TCF7L1: variants seen among roughly 807,000 people sequenced by gnomAD.
TCF7L1 encodes transcription factor 7 like 1.
In TCF7L1, 18 loss-of-function variants were observed where a neutral mutation model predicts 63.7. The observed-to-expected ratio is 0.28, with a 90% CI of 0.20 to 0.42. The LOEUF (loss-of-function observed/expected upper bound fraction) is 0.42. TCF7L1 is among the 10% of genes least tolerant of loss of function. The pLI is 1.00. For synonymous variants in TCF7L1, 355 were observed against 340.9 expected (o/e 1.04, Z -0.46); for missense variants, 654 against 779.3 (o/e 0.84, Z 1.91).
In TCF7L1 at chr2:85,298,903, G is replaced by A. The variant is rs186339794; in HGVS notation, c.526-3581G>A. Among the ~76,000 whole-genome samples, 355 of 152,116 alleles carry A rather than the reference G, an allele frequency of 2.3e-3. 3 individuals are homozygous for A. The highest frequency in any genetic ancestry group is 2.8e-3 in the Admixed American group (43 of 15,284). On this transcript the variant is annotated intron_variant, in intron 4 of 11. Transcript: ENST00000282111. ...GCAAGGAGAACCTTCCTTCTAGGAG[G>A]CCACTATCTACTTACCGCCTTCCCT...
At chr2:85,232,229 CTG>C (rs1553401662) in intron 3 of TCF7L1, among the ~76,000 whole-genome samples, 1 of 152,198 alleles carries the variant, frequency 6.6e-6, no homozygotes, top group Non-Finnish European at 1.5e-5. Context: ...GTTTTCTGCT[CTG>C]TGTGTGTTTG....
At chr2:85,227,140 C>T (rs979934843) in intron 3 of TCF7L1, among the ~76,000 whole-genome samples, 5 of 152,204 alleles carry the variant, frequency 3.3e-5, no homozygotes, top group African/African-American at 1.2e-4. Flanking sequence ...TGCTGTTTTG[C>T]TGTTTTTCCG....
At position 85,134,247 on chromosome 2, in the gene TCF7L1, C is replaced by T; in HGVS notation, c.314-76C>T. ...GTGGGGGGCGCTGGGGTCCCCAGCTCCCGCCTCGAGCCCCCTGCCGCGGCG... is the reference window on the plus strand; with the variant it reads ...GTGGGGGGCGCTGGGGTCCCCAGCTTCCGCCTCGAGCCCCCTGCCGCGGCG... On this transcript the variant is annotated intron_variant, in intron 2 of 11. Transcript: ENST00000282111. This position sits in a 1 kb window ranked among gnomAD's most constrained non-coding sequence, Gnocchi z 5.0. 2.0e-6 allele frequency: 3 copies of T among 1,484,290 alleles called. No individual in the cohort carries two copies. Among genetic ancestry groups the T allele is most frequent in the Non-Finnish European group, 2.7e-6 (3 of 1,116,672 alleles). The allele number at this position is 1,484,290 out of a possible 1,614,324, so 91.9% of individuals were successfully genotyped here. A position where few individuals can be genotyped will look rare whatever the true frequency, so the allele number is the denominator to read the frequency against.
chr2:85,267,665 AAAG>A (rs1681010837), intron 3 of TCF7L1, among the ~76,000 whole-genome samples: 1 of 151,788 alleles, frequency 6.6e-6, no homozygotes, highest in South Asian at 2.1e-4. Context: ...AAAAAAAAAA[AAAG>A]AGTTGGCTTT....
chr2:85,309,423 G>C lies in TCF7L1; in HGVS notation c.1728G>C (p.Gln576His). ...LHAHQALPVL[Q>H]AQPLSLVTKS... ...CCCACCAGGCCCTCCCGGTGCTACA[G>C]GCCCAGCCTCTTTCCCTGGTCACCA... is the stretch of plus-strand genomic sequence containing the variant. Residue 576 changes from glutamine (Q) to histidine (H), a missense_variant, in exon 12 of 12, where the codon CAG (glutamine) becomes CAC (histidine). By Grantham distance (24) the Gln-to-His change is conservative. Coordinates refer to ENST00000282111, the MANE Select transcript of TCF7L1 (RefSeq NM_031283.3). The C allele has an allele frequency of 1.9e-6, 3 of 1,558,894 alleles. No homozygotes were observed. Among genetic ancestry groups the C allele is most frequent in the Non-Finnish European group, 2.6e-6 (3 of 1,153,302 alleles).
chr2:85,275,141 A>C (rs12714137), intron 3 of TCF7L1, among the ~76,000 whole-genome samples: 133,784 of 152,248 alleles, frequency 0.88, 58,832 homozygotes, highest in East Asian at 0.95. Flanking sequence ...CAAACAGCTG[A>C]ATTTGATTTT....
At chr2:85,198,426 C>T (rs973591825) in intron 3 of TCF7L1, among the ~76,000 whole-genome samples, 11 of 152,282 alleles carry the variant, frequency 7.2e-5, no homozygotes, top group East Asian at 1.9e-4. Flanking sequence ...GTCCGTGGCT[C>T]CCTCACTTCT....
intron 3 of TCF7L1, among the ~76,000 whole-genome samples, chr2:85,269,037 A>G (rs1032796136): frequency 1.3e-5 from 2 of 152,194 alleles, no homozygotes; most frequent in East Asian, 1.9e-4. Flanking sequence ...CCCTGCAGGT[A>G]CATGAGAAGA....
At chr2:85,293,005 A>T (rs1156951703) in intron 4 of TCF7L1, among the ~76,000 whole-genome samples, 2 of 152,020 alleles carry the variant, frequency 1.3e-5, no homozygotes, top group Admixed American at 1.3e-4. Flanking sequence ...GTTAAGGGGG[A>T]GGTTCAGGTC....
chr2:85,215,350 G>A (rs551938269), intron 3 of TCF7L1, among the ~76,000 whole-genome samples: 2 of 152,326 alleles, frequency 1.3e-5, no homozygotes, highest in African/African-American at 4.8e-5. Flanking sequence ...ATTGTGCAGC[G>A]TTCGAGGGAA....
At chr2:85,139,579 G>T (rs1677674637) in intron 3 of TCF7L1, among the ~76,000 whole-genome samples, 1 of 152,196 alleles carries the variant, frequency 6.6e-6, no homozygotes, top group Non-Finnish European at 1.5e-5. Context: ...GAAGAAGTAG[G>T]TTTAAACTGG....
intron 3 of TCF7L1, among the ~76,000 whole-genome samples, chr2:85,173,397 G>A (rs1678599622): frequency 6.6e-6 from 1 of 152,106 alleles, no homozygotes; most frequent in Non-Finnish European, 1.5e-5. Flanking sequence ...AGACAGGCAG[G>A]AGGCAGAAAA....
At chr2:85,289,993 T>C (rs1681666682) in intron 4 of TCF7L1, among the ~76,000 whole-genome samples, 1 of 132,496 alleles carries the variant, frequency 7.5e-6, no homozygotes, top group Non-Finnish European at 1.6e-5. Context: ...TTTTTTTTTC[T>C]CCGAGACAGA....
In TCF7L1 at chr2:85,308,543, CTCCTTCCCTCCCTCCCTATT is replaced by C. The variant is rs1229898956; in HGVS notation, c.1334-480_1334-461del. Among the ~76,000 whole-genome samples, 118 of 131,944 alleles carry C rather than the reference CTCCTTCCCTCCCTCCCTATT, an allele frequency of 8.9e-4. 2 individuals are homozygous for C. Among genetic ancestry groups the C allele is most frequent in the Non-Finnish European group, 1.7e-3 (106 of 63,476 alleles). 86.6% of individuals were successfully genotyped at this position (131,944 alleles called of 152,430 possible). ...CGCTTTCTCCTTCCGCCCTCCCTTTCTCCTTCCCTCCCTCCCTATTTCCTTGCCTCCCCTCCTCCCTTCCT... is the reference window on the plus strand; with the variant it reads ...CGCTTTCTCCTTCCGCCCTCCCTTTCTCCTTGCCTCCCCTCCTCCCTTCCT... On this transcript the variant is annotated intron_variant, in intron 11 of 11. Coordinates refer to ENST00000282111, the MANE Select transcript of TCF7L1 (RefSeq NM_031283.3).
At chr2:85,198,386 G>C (rs940769593) in intron 3 of TCF7L1, among the ~76,000 whole-genome samples, 3 of 152,202 alleles carry the variant, frequency 2.0e-5, no homozygotes, top group Admixed American at 6.5e-5. Context: ...AGTAGGGAAG[G>C]GGGTGCAGAG....
chr2:85,157,650 A>G (rs1387347886), intron 3 of TCF7L1, among the ~76,000 whole-genome samples: 4 of 152,240 alleles, frequency 2.6e-5, no homozygotes, highest in East Asian at 3.8e-4. Context: ...CTGAAACTCC[A>G]GTTTGGAAAT....
chr2:85,136,803 A>G (rs930657043), intron 3 of TCF7L1, among the ~76,000 whole-genome samples: 1 of 152,160 alleles, frequency 6.6e-6, no homozygotes, highest in African/African-American at 2.4e-5. Context: ...CAAGTGAGGA[A>G]ACACTTAAGC....
At position 85,133,989 on chromosome 2, in the gene TCF7L1, G is replaced by A. The variant is rs762479209; in HGVS notation, c.250-27G>A. On this transcript the variant is annotated intron_variant, in intron 1 of 11. Coordinates refer to ENST00000282111, the MANE Select transcript of TCF7L1 (RefSeq NM_031283.3). The surrounding 1 kb of genome is among the most constrained non-coding windows in gnomAD (Gnocchi z 4.4). ...ATCCCGGCCCTGCGTCCGCTCACCC[G>A]CTCTTGCCTTTGTGTCTCCTCCGCA... 5.0e-6 allele frequency: 8 copies of A among 1,605,914 alleles called. No homozygotes were observed. In the South Asian group the frequency reaches 7.8e-5, roughly 16 times the overall value.
chr2:85,266,145 G>A (rs906608750), intron 3 of TCF7L1, among the ~76,000 whole-genome samples: 1 of 152,084 alleles, frequency 6.6e-6, no homozygotes, highest in Non-Finnish European at 1.5e-5. Context: ...CATAAATTCA[G>A]ATATCATAAT....
Sources: gnomAD v4.1 joint callset for allele counts (sites outside exome capture counted in the v4.1 genomes callset) on GRCh38, gnomAD v4.1.1 for gene constraint, Gnocchi (gnomAD v3.1) non-coding constraint, MANE v1.5 for transcripts, NCBI Gene and HGNC (gene_info 2026-07-23, HGNC 2026-07-21) for gene names.